The following ADAMTS18 variants were observed in gnomAD, a reference collection of about 807,000 sequenced individuals.
The protein encoded by ADAMTS18 is A disintegrin and metalloproteinase with thrombospondin motifs 18.
A neutral mutation model predicts 165.9 loss-of-function variants in ADAMTS18; 157 were observed. The observed-to-expected ratio is 0.95, with a 90% CI of 0.83 to 1.08. ADAMTS18 has a LOEUF of 1.08. ADAMTS18 is among the 50% of genes least tolerant of loss of function. The probability of loss-of-function intolerance (pLI) is 0.00; values close to 1 mark genes in which losing one functional copy is unlikely to be tolerated. For synonymous variants in ADAMTS18, 782 were observed against 578.2 expected (o/e 1.35, Z -5.06); for missense variants, 2,040 against 1,534.0 (o/e 1.33, Z -5.51).
chr16:77,408,694 T>C (rs2057423008), intron 3 of ADAMTS18, among the ~76,000 whole-genome samples: 1 of 152,178 alleles, frequency 6.6e-6, no homozygotes, highest in South Asian at 2.1e-4. Context: ...ATTATGTCTG[T>C]GGAGTGAGAC....
chr16:77,284,371 G>A (rs963123054), intron 22 of ADAMTS18, among the ~76,000 whole-genome samples: 57 of 152,074 alleles, frequency 3.7e-4, no homozygotes, highest in African/African-American at 1.4e-3. Context: ...CAAGTGATCT[G>A]CCTGCTTCGG....
chr16:77,334,044 T>C (rs1273513529), intron 12 of ADAMTS18, among the ~76,000 whole-genome samples: 1 of 137,724 alleles, frequency 7.3e-6, no homozygotes, highest in Non-Finnish European at 1.5e-5. Flanking sequence ...ATATGCTATA[T>C]ATAATATACA....
In ADAMTS18 at chr16:77,355,954, G is replaced by C; in HGVS notation, c.1446C>G (p.Leu482=). 2 of 1,614,012 alleles carry C rather than the reference G, an allele frequency of 1.2e-6. No homozygotes were observed. Among genetic ancestry groups the C allele is most frequent in the Non-Finnish European group, 1.7e-6 (2 of 1,179,922 alleles). ...FSWSSCSRQY[L]KKFLSTPQAG... is the part of the protein sequence containing the mutation. Reference sequence around the variant, plus strand: ...ACCTGTCATACCTGAGGAATTTCTTGAGATACTGGCGGCTGCAGGAAGACC... The same window carrying C: ...ACCTGTCATACCTGAGGAATTTCTTCAGATACTGGCGGCTGCAGGAAGACC... The change falls in exon 9 of 23, where the codon CTC becomes CTG. Residue 482 remains leucine, a synonymous_variant. Transcript: ENST00000282849.
At position 77,320,058 on chromosome 16, in the gene ADAMTS18, G is replaced by C. The variant is rs369059253; in HGVS notation, c.2323C>G (p.Arg775Gly). Residue 775 changes from arginine (R) to glycine (G), a missense_variant, in exon 16 of 23, where the codon CGA (arginine) becomes GGA (glycine). Coordinates refer to ENST00000282849, the MANE Select transcript of ADAMTS18 (RefSeq NM_199355.4). ...TGCAGCTCCTGGATTTCGATGCTTC[G>C]GGCGCCAGCTGGAATGAGGACCACC... is the stretch of plus-strand genomic sequence containing the variant. ...YPVVLIPAGA[R>G]SIEIQELQVS... The C allele has an allele frequency of 1.2e-6, 2 of 1,613,916 alleles. No individual in the cohort carries two copies. Among genetic ancestry groups the C allele is most frequent in the East Asian group, 2.2e-5 (1 of 44,870 alleles).
At chr16:77,413,096 T>G (rs1597244611) in intron 3 of ADAMTS18, among the ~76,000 whole-genome samples, 1 of 152,154 alleles carries the variant, frequency 6.6e-6, no homozygotes, top group Non-Finnish European at 1.5e-5. Flanking sequence ...CTGGCTAATA[T>G]GCACCCATTC....
intron 22 of ADAMTS18, 136 bp downstream of exon 22, chr16:77,289,128 G>T: frequency 9.2e-7 from 1 of 1,090,938 alleles, no homozygotes; most frequent in Non-Finnish European, 1.4e-6. Context: ...ACTCCAGGGA[G>T]CACTGTCACA....
intron 3 of ADAMTS18, among the ~76,000 whole-genome samples, chr16:77,424,324 C>T (rs907878295): frequency 2.0e-5 from 3 of 152,280 alleles, no homozygotes; most frequent in East Asian, 1.9e-4. Flanking sequence ...CAAAATTAGC[C>T]GGACATGGCA....
At chr16:77,387,974 T>A (rs763235868) in intron 3 of ADAMTS18, among the ~76,000 whole-genome samples, 2 of 152,162 alleles carry the variant, frequency 1.3e-5, no homozygotes, top group Non-Finnish European at 2.9e-5. Flanking sequence ...CCAACCCCCA[T>A]CCTTTACTGC....
Position 77,367,477 on chromosome 16 carries a change from A to T in ADAMTS18, c.742T>A (p.Leu248Met), listed in dbSNP as rs756699750. Residue 248 changes from leucine to methionine, a missense_variant, in exon 4 of 23, where the codon TTG becomes ATG. Transcript: ENST00000282849. The stretch of plus-strand genomic sequence containing the variant: ...CGTCCACAAAAATGCTGCTTTTGCA[A>T]CCTTCGATGGTGATACTCTGTCTCT... ...SRETEYHHRR[L>M]QKQHFCGRRK... The T allele has an allele frequency of 1.9e-6, 3 of 1,614,108 alleles. No individual in the cohort carries two copies. The highest frequency in any genetic ancestry group is 1.7e-6 in the Non-Finnish European group (2 of 1,180,050).
chr16:77,352,912 C>T (rs554602688), intron 10 of ADAMTS18, among the ~76,000 whole-genome samples: 8 of 151,968 alleles, frequency 5.3e-5, no homozygotes, highest in African/African-American at 1.2e-4. Context: ...ATCAAGACCA[C>T]GGTGAAATCC....
chr16:77,344,202 A>G (rs1214325754), intron 10 of ADAMTS18, among the ~76,000 whole-genome samples: 1 of 150,622 alleles, frequency 6.6e-6, no homozygotes, highest in Admixed American at 6.6e-5. Context: ...TTGGTCTTGT[A>G]GACCATAAAA....
chr16:77,391,488 T>C (rs1201199551), intron 3 of ADAMTS18, among the ~76,000 whole-genome samples: 2 of 133,368 alleles, frequency 1.5e-5, no homozygotes, highest in Admixed American at 7.2e-5. Flanking sequence ...CAAGACTCAG[T>C]CTCAAAAAAA....
At chr16:77,427,007 CT>C (rs1380043605) in intron 3 of ADAMTS18, among the ~76,000 whole-genome samples, 1 of 152,112 alleles carries the variant, frequency 6.6e-6, no homozygotes, top group Non-Finnish European at 1.5e-5. Flanking sequence ...GAGTAAGACC[CT>C]GTCTCTAAAA....
chr16:77,289,548 G>T, intron 21 of ADAMTS18, 137 bp from the exon 22 acceptor site: 3 of 971,976 alleles, frequency 3.1e-6, no homozygotes, highest in South Asian at 1.4e-5. Context: ...AGGCACATGT[G>T]CTTACAGTCC....
chr16:77,425,395 G>A (rs1303454111), intron 3 of ADAMTS18, among the ~76,000 whole-genome samples: 2 of 152,164 alleles, frequency 1.3e-5, no homozygotes, highest in East Asian at 1.9e-4. Context: ...GCAGTGCTAA[G>A]GCTGGATGGT....
chr16:77,314,649 G>GTGTGTGTGTGTGTGTATA (rs10527824), intron 16 of ADAMTS18, among the ~76,000 whole-genome samples: 1 of 126,474 alleles, frequency 7.9e-6, no homozygotes, highest in African/African-American at 3.1e-5. Flanking sequence ...GTGTGTGTGT[G>GTGTGTGTGTGTGTGTATA]TATATATATA....
intron 20 of ADAMTS18, among the ~76,000 whole-genome samples, chr16:77,292,098 G>C (rs1268456053): frequency 6.6e-6 from 1 of 152,100 alleles, no homozygotes; most frequent in Non-Finnish European, 1.5e-5. Flanking sequence ...TTGAGCCCAG[G>C]AGTTCAAGAC....
At chr16:77,405,013 G>A (rs2057376161) in intron 3 of ADAMTS18, among the ~76,000 whole-genome samples, 2 of 152,184 alleles carry the variant, frequency 1.3e-5, no homozygotes, top group Non-Finnish European at 2.9e-5. Flanking sequence ...TTTTAGCACT[G>A]CTGTTAATTA....
intron 3 of ADAMTS18, among the ~76,000 whole-genome samples, chr16:77,412,295 A>T (rs759615977): frequency 3.9e-5 from 6 of 152,144 alleles, no homozygotes; most frequent in African/African-American, 7.2e-5. Context: ...CTCAGTCTTT[A>T]TAACGCATGA....
Sources: gnomAD v4.1 joint callset for allele counts (sites outside exome capture counted in the v4.1 genomes callset) on GRCh38, gnomAD v4.1.1 for gene constraint, MANE v1.5 for transcripts, NCBI Gene and HGNC (gene_info 2026-07-23, HGNC 2026-07-21) for gene names.